The following ITPR1 variants were observed in gnomAD, a reference collection of about 807,000 sequenced individuals.
The protein encoded by ITPR1 is inositol 1,4,5-trisphosphate-gated calcium channel ITPR1.
Under a neutral mutation model 318.4 loss-of-function variants are expected in ITPR1, and 96 were observed. The ratio of observed to expected loss-of-function variants is 0.30; its 90% CI spans 0.26 to 0.36. The LOEUF (loss-of-function observed/expected upper bound fraction) is 0.36. Among genes scored for constraint, ITPR1 ranks in the 10% least tolerant of loss-of-function variants. The pLI is 1.00. For missense variants in ITPR1, 2,440 were observed against 3,460.2 expected (o/e 0.71, Z 7.40); for synonymous variants, 1,312 against 1,289.9 (o/e 1.02, Z -0.37).
intron 46 of ITPR1, among the ~76,000 whole-genome samples, chr3:4,772,290 G>A (rs2046237670): frequency 6.6e-6 from 1 of 152,242 alleles, no homozygotes; most frequent in Non-Finnish European, 1.5e-5. Flanking sequence ...GCAGCTCAGA[G>A]TCAGCACAGA....
chr3:4,707,207 T>C (rs2094777215), intron 37 of ITPR1, among the ~76,000 whole-genome samples: 1 of 152,254 alleles, frequency 6.6e-6, no homozygotes, highest in Non-Finnish European at 1.5e-5. Context: ...CTGTATTTCG[T>C]GCAGTAAATC....
Position 4,782,672 on chromosome 3 carries a change from A to G in ITPR1, c.6441A>G (p.Gly2147=). The change falls in exon 50 of 62, where the codon GGA becomes GGG. Residue 2147 remains glycine (G), a synonymous_variant. Transcript: ENST00000649015. ...YMQGEVEFED[G]ENGEDGAASP... ...AAGGTGAAGTGGAATTTGAGGATGG[A>G]GAAAACGGTGAGGATGGGGCGGCGT... 6.2e-7 allele frequency: 1 copy of G among 1,604,786 alleles called. No homozygotes were observed. The highest frequency in any genetic ancestry group is 8.5e-7 in the Non-Finnish European group (1 of 1,175,048).
chr3:4,756,190 T>G (rs1395984417), intron 44 of ITPR1, among the ~76,000 whole-genome samples: 1 of 152,200 alleles, frequency 6.6e-6, no homozygotes, highest in East Asian at 1.9e-4. Flanking sequence ...TGGGGATTAC[T>G]TGAGAGGAGG....
intron 36 of ITPR1, among the ~76,000 whole-genome samples, chr3:4,705,426 C>G (rs1409247733): frequency 6.6e-6 from 1 of 152,190 alleles, no homozygotes; most frequent in Non-Finnish European, 1.5e-5. Flanking sequence ...CGAATTTCAC[C>G]ACTTTTCCCA....
At chr3:4,697,007 T>G (rs2094569695) in intron 33 of ITPR1, 140 bp from the exon 34 acceptor site, 1 of 640,180 alleles carries the variant, frequency 1.6e-6, no homozygotes, top group Non-Finnish European at 2.6e-6. Context: ...ATTTCAAATA[T>G]CAGAAAATCA....
intron 12 of ITPR1, among the ~76,000 whole-genome samples, chr3:4,657,614 C>T (rs1030619241): frequency 2.6e-4 from 39 of 151,870 alleles, no homozygotes; most frequent in African/African-American, 8.9e-4. Context: ...ATTACAGGCG[C>T]CTGCCACCAC....
rs776830134 is a variant in ITPR1 at position 4,673,192 on chromosome 3, A to G, written c.2261A>G (p.Asn754Ser). 1.2e-6 allele frequency: 2 copies of G among 1,613,932 alleles called. No individual in the cohort carries two copies. The highest frequency in any genetic ancestry group is 1.1e-5 in the South Asian group (1 of 91,074). The change falls in exon 21 of 62, where the codon AAC (asparagine) becomes AGC (serine). Residue 754 changes from asparagine (N) to serine (S), a missense_variant. Around this residue, in one of 23 missense-constraint regions of ITPR1, gnomAD observed 478 missense variants for 696.3 expected, o/e 0.69. Coordinates refer to ENST00000649015, the MANE Select transcript of ITPR1 (RefSeq NM_001378452.1). The stretch of plus-strand genomic sequence containing the variant: ...CTGGACCGCCAATACCTGGCCATCA[A>G]CGAAATCTCAGGCCAGCTGGATGTC... ...MCLDRQYLAI[N>S]EISGQLDVDL...
chr3:4,776,578 T>C (rs1199389842), intron 47 of ITPR1, among the ~76,000 whole-genome samples: 1 of 152,194 alleles, frequency 6.6e-6, no homozygotes, highest in African/African-American at 2.4e-5. Context: ...AATGTGAGAA[T>C]AGCATTTTGT....
chr3:4,779,704 C>A lies in ITPR1; in HGVS notation c.6387+59C>A. 8.2e-7 allele frequency: 1 copy of A among 1,216,402 alleles called. No homozygotes were observed. Among genetic ancestry groups the A allele is most frequent in the Non-Finnish European group, 1.2e-6 (1 of 822,892 alleles). 75.4% of individuals were successfully genotyped at this position (1,216,402 alleles called of 1,614,324 possible). ...AGGAGCATTGCGACGATATTTGGGA[C>A]AGAGCAGAGGATCTGCTTCCTGGAG... is the stretch of plus-strand genomic sequence containing the variant. On this transcript the variant is annotated intron_variant, in intron 49 of 61. Coordinates refer to ENST00000649015, the MANE Select transcript of ITPR1 (RefSeq NM_001378452.1). This position sits in a 1 kb window ranked among gnomAD's most constrained non-coding sequence, Gnocchi z 4.0.
At chr3:4,616,025 T>A (rs2092374986) in intron 4 of ITPR1, among the ~76,000 whole-genome samples, 1 of 152,212 alleles carries the variant, frequency 6.6e-6, no homozygotes, top group Non-Finnish European at 1.5e-5. Flanking sequence ...CATTTCCAAT[T>A]GGAAAATGTC....
chr3:4,767,886 T>C (rs1402607255), intron 45 of ITPR1, among the ~76,000 whole-genome samples: 1 of 152,272 alleles, frequency 6.6e-6, no homozygotes, highest in East Asian at 1.9e-4. Context: ...TTGAGGTACC[T>C]CCATTTTACA....
chr3:4,678,984 A>G (rs1305011309), intron 24 of ITPR1, among the ~76,000 whole-genome samples: 2 of 152,206 alleles, frequency 1.3e-5, no homozygotes, highest in Admixed American at 6.5e-5. Flanking sequence ...CGGGAGCTTA[A>G]CATAAGAACA....
chr3:4,694,400 C>A (rs1420233896), intron 33 of ITPR1, among the ~76,000 whole-genome samples: 1 of 149,852 alleles, frequency 6.7e-6, no homozygotes, highest in Non-Finnish European at 1.5e-5. Context: ...GTTTGTAGTA[C>A]ACATTTATAT....
intron 13 of ITPR1, among the ~76,000 whole-genome samples, chr3:4,658,556 C>T (rs1337418540): frequency 6.6e-6 from 1 of 150,934 alleles, no homozygotes; most frequent in Non-Finnish European, 1.5e-5. Flanking sequence ...TACTCCCTTC[C>T]TCCTTCCCCA....
rs553026793 is a variant in ITPR1, at chr3:4,826,177, A to C, written c.8028+7935A>C. ...GACACCTTCTGCTTCGTGCAGATGCACGATGATGGGTTTGGGCTTTTATTC... is the reference window on the plus strand; with the variant it reads ...GACACCTTCTGCTTCGTGCAGATGCCCGATGATGGGTTTGGGCTTTTATTC... On this transcript the variant is annotated intron_variant, in intron 60 of 61. Coordinates refer to ENST00000649015, the MANE Select transcript of ITPR1 (RefSeq NM_001378452.1). This position sits in a 1 kb window ranked among gnomAD's most constrained non-coding sequence, Gnocchi z 4.2. 6.6e-6 allele frequency among the ~76,000 whole-genome samples: 1 copy of C among 152,382 alleles called. No homozygotes were observed. The highest frequency in any genetic ancestry group is 2.1e-4 in the South Asian group (1 of 4,832).
At chr3:4,499,900 T>C (rs1238760209) in intron 2 of ITPR1, among the ~76,000 whole-genome samples, 1 of 152,196 alleles carries the variant, frequency 6.6e-6, no homozygotes, top group African/African-American at 2.4e-5. Context: ...GCCTTCCCAG[T>C]AGCTGGGACT....
intron 24 of ITPR1, among the ~76,000 whole-genome samples, chr3:4,679,487 G>A (rs1231887661): frequency 5.3e-5 from 8 of 152,198 alleles, no homozygotes; most frequent in African/African-American, 1.4e-4. Context: ...GCTCTGATGG[G>A]CAGGAGAAGA....
At chr3:4,715,345 A>G (rs9816936) in intron 39 of ITPR1, among the ~76,000 whole-genome samples, 4 of 152,124 alleles carry the variant, frequency 2.6e-5, no homozygotes. Context: ...AAATGTATCA[A>G]AACTTAAACA....
chr3:4,628,980 T>G (rs2092928190), intron 5 of ITPR1, among the ~76,000 whole-genome samples: 1 of 152,182 alleles, frequency 6.6e-6, no homozygotes, highest in South Asian at 2.1e-4. Flanking sequence ...GAGTCCTACA[T>G]GCAGTGTGTG....
Sources: allele counts gnomAD v4.1 joint callset (sites outside exome capture counted in the v4.1 genomes callset), GRCh38; gene constraint gnomAD v4.1.1; regional missense constraint gnomAD v4.1.1; non-coding constraint Gnocchi (gnomAD v3.1); transcripts MANE v1.5; gene names NCBI Gene and HGNC (gene_info 2026-07-23, HGNC 2026-07-21).